Variants in POLR2I observed in about 807,000 individuals in gnomAD.
The protein encoded by POLR2I is RNA polymerase II subunit I.
A neutral mutation model predicts 23.0 loss-of-function variants in POLR2I; 15 were observed. The observed-to-expected ratio is 0.65, with a 90% CI of 0.44 to 1.00. The LOEUF (loss-of-function observed/expected upper bound fraction) is 1.00, where lower values mean the gene tolerates loss of function less well. POLR2I is among the 50% of genes least tolerant of loss of function. The pLI is 0.00. For missense variants in POLR2I, 120 were observed against 173.7 expected (o/e 0.69, Z 1.74); for synonymous variants, 72 against 65.4 (o/e 1.10, Z -0.49).
At position 36,114,380 on chromosome 19, in the gene POLR2I, G is replaced by A. The variant is rs1231671130; in HGVS notation, c.147C>T (p.Asp49=). The A allele has an allele frequency of 6.2e-7, 1 of 1,614,106 alleles. No homozygotes were observed. The highest frequency in any genetic ancestry group is 8.5e-7 in the Non-Finnish European group (1 of 1,180,018). Residue 49 remains aspartate (D), a synonymous_variant, in exon 3 of 6, where the codon GAC becomes GAT. Transcript: ENST00000221859. This position sits in a 1 kb window ranked among gnomAD's most constrained non-coding sequence, Gnocchi z 4.5. ...TCTTGTTGACATAGATGCAGCTGTT[G>A]TCGGCCTCCTGCTGGTAATCACAGT... The part of the protein sequence containing the change: ...CRNCDYQQEA[D]NSCIYVNKIT...
chr19:36,113,841 GGAAGGAT>G (rs1225841369), intron 5 of POLR2I, 24 bp from the exon 6 acceptor site: 1 of 1,611,682 alleles, frequency 6.2e-7, no homozygotes, highest in African/African-American at 1.3e-5. Context: ...TGCATGGTTA[GGAAGGAT>G]TTGGACCCAG....
At position 36,114,331 on chromosome 19, in the gene POLR2I, CCACT is replaced by C; in HGVS notation, c.188+4_188+7del. On this transcript the variant is annotated splice_donor_5th_base_variant and intron_variant, in intron 3 of 5. Coordinates refer to ENST00000221859, the MANE Select transcript of POLR2I (RefSeq NM_006233.5). The surrounding 1 kb of genome is among the most constrained non-coding windows in gnomAD (Gnocchi z 4.5). ...ACCCCCGCCCCCAGCTCAGGGCCCG[CCACT>C]CACTCCACTTCGTGCGTGATCTTGT... 3.7e-6 allele frequency: 6 copies of C among 1,614,006 alleles called. No homozygotes were observed. The highest frequency in any genetic ancestry group is 5.1e-6 in the Non-Finnish European group (6 of 1,179,932).
Position 36,114,082 on chromosome 19 carries a change from C to A in POLR2I, c.264-16G>T, listed in dbSNP as rs747911063. On this transcript the variant is annotated splice_polypyrimidine_tract_variant and intron_variant, in intron 4 of 5. Transcript: ENST00000221859. The surrounding 1 kb of genome is among the most constrained non-coding windows in gnomAD (Gnocchi z 4.5). ...GTGGCCGCACCTGAGAGGGTAGGGG[C>A]TCGGTCACCGGAGGCTTCACACCCT... 1 of 1,613,824 alleles carries A rather than the reference C, an allele frequency of 6.2e-7. No individual in the cohort carries two copies. The highest frequency in any genetic ancestry group is 8.5e-7 in the Non-Finnish European group (1 of 1,179,924).
chr19:36,114,383 G>T lies in POLR2I; in HGVS notation c.144C>A (p.Ala48=). The change falls in exon 3 of 6, where the codon GCC becomes GCA. Residue 48 remains alanine (A), a synonymous_variant. Transcript: ENST00000221859. The surrounding 1 kb of genome is among the most constrained non-coding windows in gnomAD (Gnocchi z 4.5). ...TGTTGACATAGATGCAGCTGTTGTC[G>T]GCCTCCTGCTGGTAATCACAGTTCC... The part of the protein sequence containing the change: ...ACRNCDYQQE[A]DNSCIYVNKI... 1.2e-6 allele frequency: 2 copies of T among 1,614,058 alleles called. No homozygotes were observed. Among genetic ancestry groups the T allele is most frequent in the Non-Finnish European group, 1.7e-6 (2 of 1,180,000 alleles).
In POLR2I at chr19:36,114,374, G is replaced by A; in HGVS notation, c.153C>T (p.Ser51=). 6.2e-7 allele frequency: 1 copy of A among 1,614,128 alleles called. No individual in the cohort carries two copies. The highest frequency in any genetic ancestry group is 1.1e-5 in the South Asian group (1 of 91,088). The change falls in exon 3 of 6, where the codon AGC becomes AGT. Residue 51 remains serine, a synonymous_variant. Coordinates refer to ENST00000221859, the MANE Select transcript of POLR2I (RefSeq NM_006233.5). This position sits in a 1 kb window ranked among gnomAD's most constrained non-coding sequence, Gnocchi z 4.5. ...NCDYQQEADN[S]CIYVNKITHE... is the part of the protein sequence containing the mutation. ...GCGTGATCTTGTTGACATAGATGCA[G>A]CTGTTGTCGGCCTCCTGCTGGTAAT...
chr19:36,114,451 A>G lies in POLR2I; in HGVS notation c.115-39T>C. 6.3e-7 allele frequency: 1 copy of G among 1,588,802 alleles called. No individual in the cohort carries two copies. Among genetic ancestry groups the G allele is most frequent in the Non-Finnish European group, 8.6e-7 (1 of 1,157,378 alleles). On this transcript the variant is annotated intron_variant, in intron 2 of 5. Transcript: ENST00000221859. The surrounding 1 kb of genome is among the most constrained non-coding windows in gnomAD (Gnocchi z 4.5). ...AGTGTGGGGGAAAGGGGGTCACGGA[A>G]GGATTCCAGACAAGATTGGGAGGAG...
In POLR2I at chr19:36,114,600, G is replaced by A; in HGVS notation, c.114+59C>T. 6.6e-7 allele frequency: 1 copy of A among 1,504,102 alleles called. No homozygotes were observed. The highest frequency in any genetic ancestry group is 9.2e-7 in the Non-Finnish European group (1 of 1,089,860). The allele number at this position is 1,504,102 out of a possible 1,614,324, so 93.2% of individuals were successfully genotyped here. A position where few individuals can be genotyped will look rare whatever the true frequency, so the allele number is the denominator to read the frequency against. On this transcript the variant is annotated intron_variant, in intron 2 of 5. Transcript: ENST00000221859. This position sits in a 1 kb window ranked among gnomAD's most constrained non-coding sequence, Gnocchi z 4.5. ...AGGGAGTCCGATCACAGAGGCAGGG[G>A]GCAGGGCGGGGCCACGCTGGGAACA...
At position 36,114,113 on chromosome 19, in the gene POLR2I, C is replaced by T. The variant is rs776392320; in HGVS notation, c.264-47G>A. Reference sequence around the variant, plus strand: ...CACCGGAGGCTTCACACCCTTCCCTCCTCCCTTCGCCCAGTGAGGAGACGA... The same window carrying T: ...CACCGGAGGCTTCACACCCTTCCCTTCTCCCTTCGCCCAGTGAGGAGACGA... On this transcript the variant is annotated intron_variant, in intron 4 of 5. Coordinates refer to ENST00000221859, the MANE Select transcript of POLR2I (RefSeq NM_006233.5). This position sits in a 1 kb window ranked among gnomAD's most constrained non-coding sequence, Gnocchi z 4.5. The T allele has an allele frequency of 3.1e-6, 5 of 1,613,734 alleles. No homozygotes were observed. Among genetic ancestry groups the T allele is most frequent in the Admixed American group, 3.3e-5 (2 of 60,018 alleles).
At position 36,114,514 on chromosome 19, in the gene POLR2I, C is replaced by G. The variant is rs1973905863; in HGVS notation, c.115-102G>C. ...TCCCGGAGGATATGACGACAGGACT[C>G]TCTTTGGGGATGGGCAGGACATGAG... On this transcript the variant is annotated intron_variant, in intron 2 of 5. Coordinates refer to ENST00000221859, the MANE Select transcript of POLR2I (RefSeq NM_006233.5). This position sits in a 1 kb window ranked among gnomAD's most constrained non-coding sequence, Gnocchi z 4.5. The G allele has an allele frequency of 7.5e-7, 1 of 1,342,250 alleles. No individual in the cohort carries two copies. The highest frequency in any genetic ancestry group is 2.3e-5 in the East Asian group (1 of 43,418). The allele number at this position is 1,342,250 out of a possible 1,614,324, so 83.1% of individuals were successfully genotyped here.
Position 36,114,230 on chromosome 19 carries a change from G to A in POLR2I, c.210C>T (p.Ala70=). The change falls in exon 4 of 6, where the codon GCC becomes GCT. Residue 70 remains alanine (A), a synonymous_variant. Transcript: ENST00000221859. The surrounding 1 kb of genome is among the most constrained non-coding windows in gnomAD (Gnocchi z 4.5). ...GCAACGTGGGGTCCTGGGACACGTCGGCGATAATCTGGGTCAGTTCGCTGC... is the reference window on the plus strand; with the variant it reads ...GCAACGTGGGGTCCTGGGACACGTCAGCGATAATCTGGGTCAGTTCGCTGC... ...HEVDELTQII[A]DVSQDPTLPR... 5 of 1,614,010 alleles carry A rather than the reference G, an allele frequency of 3.1e-6. No individual in the cohort carries two copies. The highest frequency in any genetic ancestry group is 4.2e-6 in the Non-Finnish European group (5 of 1,179,992).
chr19:36,114,201 C>A lies in POLR2I; in HGVS notation c.239G>T (p.Arg80Leu). ...ADVSQDPTLP[R>L]TEDHPCQKCG... ...CTTTTGGCACGGGTGGTCCTCGGTC[C>A]GCGGCAACGTGGGGTCCTGGGACAC... The change falls in exon 4 of 6, where the codon CGG (arginine) becomes CTG (leucine). Residue 80 changes from arginine to leucine, a missense_variant. Coordinates refer to ENST00000221859, the MANE Select transcript of POLR2I (RefSeq NM_006233.5). This position sits in a 1 kb window ranked among gnomAD's most constrained non-coding sequence, Gnocchi z 4.5. 1.2e-6 allele frequency: 2 copies of A among 1,614,054 alleles called. No individual in the cohort carries two copies. Among genetic ancestry groups the A allele is most frequent in the Non-Finnish European group, 1.7e-6 (2 of 1,180,008 alleles).
Position 36,114,157 on chromosome 19 carries a change from A to G in POLR2I, c.263+20T>C, listed in dbSNP as rs777745092. On this transcript the variant is annotated intron_variant, in intron 4 of 5. Coordinates refer to ENST00000221859, the MANE Select transcript of POLR2I (RefSeq NM_006233.5). The surrounding 1 kb of genome is among the most constrained non-coding windows in gnomAD (Gnocchi z 4.5). The stretch of plus-strand genomic sequence containing the variant: ...GAGACGAGCCTCACTTTACCTCCCC[A>G]GTACCAGCTGAACGCTCACTTTTGG... 6.2e-7 allele frequency: 1 copy of G among 1,613,992 alleles called. No individual in the cohort carries two copies. The highest frequency in any genetic ancestry group is 8.5e-7 in the Non-Finnish European group (1 of 1,179,936).
Position 36,114,563 on chromosome 19 carries a change from C to A in POLR2I, c.114+96G>T. 2 of 1,347,220 alleles carry A rather than the reference C, an allele frequency of 1.5e-6. No homozygotes were observed. Among genetic ancestry groups the A allele is most frequent in the Non-Finnish European group, 2.1e-6 (2 of 950,740 alleles). The allele number at this position is 1,347,220 out of a possible 1,614,324, so 83.5% of individuals were successfully genotyped here. On this transcript the variant is annotated intron_variant, in intron 2 of 5. Transcript: ENST00000221859. The surrounding 1 kb of genome is among the most constrained non-coding windows in gnomAD (Gnocchi z 4.5). Reference sequence around the variant, plus strand: ...AGAGTCAGGATCACTTGAGGTGCAGCGGAGGGCGAACAGGGAGTCCGATCA... The same window carrying A: ...AGAGTCAGGATCACTTGAGGTGCAGAGGAGGGCGAACAGGGAGTCCGATCA...
In POLR2I at chr19:36,113,729, T is replaced by C. The variant is rs778453986; in HGVS notation, c.*26A>G. On this transcript the variant is annotated 3_prime_UTR_variant, in exon 6 of 6. Transcript: ENST00000221859. ...AAAACTCACGCATGGAATCTGGTGT[T>C]TATTACACTCGGGGGAGAGAGGAGG... 1 of 1,610,748 alleles carries C rather than the reference T, an allele frequency of 6.2e-7. No individual in the cohort carries two copies. Among genetic ancestry groups the C allele is most frequent in the East Asian group, 2.2e-5 (1 of 44,766 alleles).
At position 36,114,291 on chromosome 19, in the gene POLR2I, G is replaced by C; in HGVS notation, c.189-40C>G. 1 of 1,613,344 alleles carries C rather than the reference G, an allele frequency of 6.2e-7. No individual in the cohort carries two copies. The highest frequency in any genetic ancestry group is 8.5e-7 in the Non-Finnish European group (1 of 1,179,418). ...GGGTGCAAAATTACGCTCAGACCCAGCCTCCAGAGCCAACACCCCCGCCCC... is the reference window on the plus strand; with the variant it reads ...GGGTGCAAAATTACGCTCAGACCCACCCTCCAGAGCCAACACCCCCGCCCC... On this transcript the variant is annotated intron_variant, in intron 3 of 5. Transcript: ENST00000221859. The surrounding 1 kb of genome is among the most constrained non-coding windows in gnomAD (Gnocchi z 4.5).
rs1463172271 is a variant in POLR2I, at chr19:36,114,662, G to A, written c.111C>T (p.Tyr37=). ...KEDKENRILL[Y]ACRNCDYQQE... ...CGGGGAAGACCCCGGCGCTCACCGC[G>A]TAGAGCAGAATGCGGTTCTCCTTGT... The change falls in exon 2 of 6, where the codon TAC becomes TAT. Residue 37 remains tyrosine, a synonymous_variant. Coordinates refer to ENST00000221859, the MANE Select transcript of POLR2I (RefSeq NM_006233.5). The surrounding 1 kb of genome is among the most constrained non-coding windows in gnomAD (Gnocchi z 4.5). 8.1e-6 allele frequency: 13 copies of A among 1,608,522 alleles called. No homozygotes were observed. Among genetic ancestry groups the A allele is most frequent in the Non-Finnish European group, 1.1e-5 (13 of 1,175,664 alleles).
At position 36,114,698 on chromosome 19, in the gene POLR2I, G is replaced by T. The variant is rs1316365861; in HGVS notation, c.75C>A (p.Tyr25Ter). Residue 25 changes from tyrosine (Y) to a stop codon, truncating the protein, a stop_gained, in exon 2 of 6, where the codon TAC becomes TAA. Coordinates refer to ENST00000221859, the MANE Select transcript of POLR2I (RefSeq NM_006233.5). LOFTEE classifies it high-confidence loss of function. The surrounding 1 kb of genome is among the most constrained non-coding windows in gnomAD (Gnocchi z 4.5). ...TGCGGTTCTCCTTGTCTTCCTTGGG[G>T]TACAGCATGTTGTTACTGTGGGGAG... ...RFCQECNNML[Y>*]PKEDKENRIL... is the part of the protein sequence containing the mutation. 1 of 1,612,574 alleles carries T rather than the reference G, an allele frequency of 6.2e-7. No homozygotes were observed. Among genetic ancestry groups the T allele is most frequent in the Non-Finnish European group, 8.5e-7 (1 of 1,178,830 alleles).
intron 5 of POLR2I, 27 bp downstream of exon 5, chr19:36,113,988 T>C (rs1299639040): frequency 2.5e-6 from 4 of 1,611,636 alleles, no homozygotes; most frequent in African/African-American, 2.7e-5. Context: ...AAGCCCCAGA[T>C]ACTTAGAAAG....
Position 36,114,558 on chromosome 19 carries a change from T to C in POLR2I, c.114+101A>G. On this transcript the variant is annotated intron_variant, in intron 2 of 5. Transcript: ENST00000221859. The surrounding 1 kb of genome is among the most constrained non-coding windows in gnomAD (Gnocchi z 4.5). Reference sequence around the variant, plus strand: ...ACATGAGAGTCAGGATCACTTGAGGTGCAGCGGAGGGCGAACAGGGAGTCC... The same window carrying C: ...ACATGAGAGTCAGGATCACTTGAGGCGCAGCGGAGGGCGAACAGGGAGTCC... 1.5e-6 allele frequency: 2 copies of C among 1,331,878 alleles called. No individual in the cohort carries two copies. Among genetic ancestry groups the C allele is most frequent in the Non-Finnish European group, 2.1e-6 (2 of 936,012 alleles). 82.5% of individuals were successfully genotyped at this position (1,331,878 alleles called of 1,614,324 possible). A position where few individuals can be genotyped will look rare whatever the true frequency, so the allele number is the denominator to read the frequency against.
Sources: gnomAD v4.1 joint callset for allele counts on GRCh38, gnomAD v4.1.1 for gene constraint, Gnocchi (gnomAD v3.1) non-coding constraint, MANE v1.5 for transcripts, NCBI Gene and HGNC (gene_info 2026-07-23, HGNC 2026-07-21) for gene names.